Variants in DLGAP2 observed in about 807,000 individuals in gnomAD.
The protein encoded by DLGAP2 is DLG associated protein 2.
A neutral mutation model predicts 100.3 loss-of-function variants in DLGAP2; 26 were observed. The ratio of observed to expected loss-of-function variants is 0.26; its 90% confidence interval spans 0.19 to 0.36. DLGAP2 has a LOEUF of 0.36. Ranked by LOEUF, DLGAP2 falls within the 10% of genes least tolerant of loss-of-function variation. DLGAP2 has a pLI of 1.00. For synonymous variants in DLGAP2, 886 were observed against 630.1 expected (o/e 1.41, Z -6.08); for missense variants, 1,858 against 1,453.2 (o/e 1.28, Z -4.53).
chr8:1,125,378 A>T (rs1796141652), intron 2 of DLGAP2, among the ~76,000 whole-genome samples: 2 of 152,226 alleles, frequency 1.3e-5, no homozygotes, highest in Admixed American at 1.3e-4. Context: ...TTATGGAAAA[A>T]AATGAGTTTC....
chr8:1,033,572 G>A (rs981292152), intron 2 of DLGAP2, among the ~76,000 whole-genome samples: 1 of 152,196 alleles, frequency 6.6e-6, no homozygotes, highest in African/African-American at 2.4e-5. Flanking sequence ...GGGGGCCAAG[G>A]CAGGAGGATA....
intron 4 of DLGAP2, among the ~76,000 whole-genome samples, chr8:1,504,281 C>G (rs567353355): frequency 2.0e-5 from 3 of 151,956 alleles, no homozygotes; most frequent in African/African-American, 7.2e-5. Context: ...AAGTTATATT[C>G]ACGGATATAA....
intron 3 of DLGAP2, among the ~76,000 whole-genome samples, chr8:1,317,533 G>T (rs377233666): frequency 6.6e-5 from 9 of 135,866 alleles, no homozygotes; most frequent in South Asian, 2.3e-4. Flanking sequence ...GAGGCTGTGC[G>T]AGTGCAGCGT....
intron 2 of DLGAP2, among the ~76,000 whole-genome samples, chr8:951,083 C>A (rs1799467792): frequency 6.6e-6 from 1 of 152,128 alleles, no homozygotes; most frequent in Admixed American, 6.6e-5. Flanking sequence ...ATACTACATT[C>A]TATTTTTTTA....
At position 1,632,815 on chromosome 8, in the gene DLGAP2, TG is replaced by T. The variant is rs923073882; in HGVS notation, c.1591-11del. ...AGGGCCGGGGCATCACGTGTGCTGTTGATGATTGCAGGTGAGCGAGGCGGAG... is the reference window on the plus strand; with the variant it reads ...AGGGCCGGGGCATCACGTGTGCTGTTATGATTGCAGGTGAGCGAGGCGGAG... On this transcript the variant is annotated splice_polypyrimidine_tract_variant and intron_variant, in intron 7 of 14. Coordinates refer to ENST00000637795, the MANE Select transcript of DLGAP2 (RefSeq NM_001346810.2). The T allele has an allele frequency of 6.3e-7, 1 of 1,597,294 alleles. No homozygotes were observed. The highest frequency in any genetic ancestry group is 1.3e-5 in the African/African-American group (1 of 74,778).
intron 3 of DLGAP2, among the ~76,000 whole-genome samples, chr8:1,351,800 A>C (rs1207014600): frequency 7.9e-4 from 29 of 36,846 alleles, no homozygotes; most frequent in African/African-American, 1.2e-3. Context: ...TGTGGAAAGG[A>C]CGTGCGCGTC....
intron 4 of DLGAP2, among the ~76,000 whole-genome samples, chr8:1,517,777 C>G (rs1166283563): frequency 1.3e-5 from 2 of 152,302 alleles, no homozygotes; most frequent in Middle Eastern, 3.4e-3. Flanking sequence ...CGATGTCCAG[C>G]TGCTTGTTGG....
At chr8:1,342,882 A>C (rs1801451161) in intron 3 of DLGAP2, among the ~76,000 whole-genome samples, 2 of 152,150 alleles carry the variant, frequency 1.3e-5, no homozygotes, top group African/African-American at 4.8e-5. Flanking sequence ...CTTTCCTTCT[A>C]AACTGCTTTC....
chr8:1,076,651 G>C (rs1563179230), intron 2 of DLGAP2, among the ~76,000 whole-genome samples: 1 of 152,230 alleles, frequency 6.6e-6, no homozygotes, highest in Non-Finnish European at 1.5e-5. Flanking sequence ...GCAGTTGGCA[G>C]AGTTTTAGGA....
At chr8:842,511 T>C (rs761177206) in intron 1 of DLGAP2, among the ~76,000 whole-genome samples, 40 of 152,340 alleles carry the variant, frequency 2.6e-4, no homozygotes, top group Non-Finnish European at 4.9e-4. Context: ...AGTAACGGTA[T>C]TATTATGTGC....
intron 8 of DLGAP2, among the ~76,000 whole-genome samples, chr8:1,663,808 C>T (rs1012493146): frequency 6.6e-6 from 1 of 152,040 alleles, no homozygotes; most frequent in African/African-American, 2.4e-5. Context: ...AGCATCACAG[C>T]GCATGTTTTG....
At chr8:1,701,039 A>C in intron 14 of DLGAP2, 149 bp from the exon 15 acceptor site, 1 of 704,726 alleles carries the variant, frequency 1.4e-6, no homozygotes, top group Non-Finnish European at 2.4e-6. Flanking sequence ...GGAGCCGGGG[A>C]CCAGGGCAGA....
At chr8:1,204,394 G>A (rs1474164293) in intron 2 of DLGAP2, among the ~76,000 whole-genome samples, 1 of 152,234 alleles carries the variant, frequency 6.6e-6, no homozygotes, top group East Asian at 1.9e-4. Flanking sequence ...GGAGTGAAGT[G>A]ATACTCACAG....
chr8:1,536,569 T>C (rs1428614940), intron 4 of DLGAP2, among the ~76,000 whole-genome samples: 1 of 152,180 alleles, frequency 6.6e-6, no homozygotes, highest in Non-Finnish European at 1.5e-5. Context: ...ACTTTGTGCT[T>C]CTGCGAAAGT....
chr8:819,128 A>G (rs1024700220), intron 1 of DLGAP2, among the ~76,000 whole-genome samples: 1 of 152,244 alleles, frequency 6.6e-6, no homozygotes, highest in Non-Finnish European at 1.5e-5. Context: ...TTAAGAATAT[A>G]TAAATTTGCT....
At chr8:803,814 G>T (rs1218698993) in intron 1 of DLGAP2, among the ~76,000 whole-genome samples, 1 of 152,168 alleles carries the variant, frequency 6.6e-6, no homozygotes, top group Non-Finnish European at 1.5e-5. Context: ...CATAATGAAT[G>T]AGCACATTAT....
chr8:968,393 G>A (rs761712186), intron 2 of DLGAP2, among the ~76,000 whole-genome samples: 7 of 152,164 alleles, frequency 4.6e-5, no homozygotes, highest in Non-Finnish European at 7.3e-5. Context: ...GACTTATGGG[G>A]GCTCCATCAG....
intron 3 of DLGAP2, among the ~76,000 whole-genome samples, chr8:1,409,201 C>A (rs528226459): frequency 6.6e-6 from 1 of 151,554 alleles, no homozygotes; most frequent in Admixed American, 6.6e-5. Flanking sequence ...CCTTGGACCA[C>A]TGCCCAACTC....
intron 4 of DLGAP2, among the ~76,000 whole-genome samples, chr8:1,538,108 G>A (rs1801218346): frequency 6.6e-6 from 1 of 152,264 alleles, no homozygotes; most frequent in Middle Eastern, 3.4e-3. Context: ...TGCTGCTGGG[G>A]CTGCCGAGGC....
Sources: gnomAD v4.1 joint callset for allele counts (sites outside exome capture counted in the v4.1 genomes callset) on GRCh38, gnomAD v4.1.1 for gene constraint, MANE v1.5 for transcripts, NCBI Gene and HGNC (gene_info 2026-07-23, HGNC 2026-07-21) for gene names.